The following TM9SF1 variants were observed in gnomAD, a reference collection of about 807,000 sequenced individuals.
TM9SF1 encodes the protein MP70 protein family member.
TM9SF1 carries 25 observed loss-of-function variants against 52.4 expected under a neutral mutation model. The ratio of observed to expected loss-of-function variants is 0.48; its 90% CI spans 0.35 to 0.67. The LOEUF (loss-of-function observed/expected upper bound fraction) is 0.67. TM9SF1 is among the 30% of genes least tolerant of loss of function. The pLI is 0.01. For missense variants in TM9SF1, 604 were observed against 780.3 expected (o/e 0.77, Z 2.69); for synonymous variants, 284 against 299.8 (o/e 0.95, Z 0.55).
In TM9SF1 at chr14:24,189,344, A is replaced by G; in HGVS notation, c.*71T>C. 1 of 1,481,734 alleles carries G rather than the reference A, an allele frequency of 6.7e-7. No individual in the cohort carries two copies. Among genetic ancestry groups the G allele is most frequent in the East Asian group, 2.3e-5 (1 of 43,980 alleles). 91.8% of individuals were successfully genotyped at this position (1,481,734 alleles called of 1,614,324 possible). On this transcript the variant is annotated 3_prime_UTR_variant, in exon 6 of 6. Transcript: ENST00000261789. Reference sequence around the variant, plus strand: ...ATCACACAATTCAGTCAATCAGAAGAGAAGCTGGTAGGAGAGTTCAACAGG... The same window carrying G: ...ATCACACAATTCAGTCAATCAGAAGGGAAGCTGGTAGGAGAGTTCAACAGG...
At chr14:24,195,191 C>G in intron 1 of TM9SF1, 155 bp from the exon 2 acceptor site, 1 of 608,522 alleles carries the variant, frequency 1.6e-6, no homozygotes, top group Non-Finnish European at 2.9e-6. Context: ...AGACCCCGCT[C>G]CACCTCTGCT....
At position 24,195,054 on chromosome 14, in the gene TM9SF1, G is replaced by A; in HGVS notation, c.-17-18C>T. The A allele has an allele frequency of 6.3e-7, 1 of 1,579,512 alleles. No homozygotes were observed. The highest frequency in any genetic ancestry group is 8.7e-7 in the Non-Finnish European group (1 of 1,155,494). ...AGTGGAACCTGTTTGGGGGAATCCT[G>A]AGGTTATAGAAACCAGGGAGGTTAC... On this transcript the variant is annotated intron_variant, in intron 1 of 5. Transcript: ENST00000261789.
chr14:24,192,910 A>G lies in TM9SF1; in HGVS notation c.705T>C (p.His235=). Residue 235 remains histidine, a synonymous_variant, in exon 3 of 6, where the codon CAT becomes CAC. Transcript: ENST00000261789. The surrounding 1 kb of genome is among the most constrained non-coding windows in gnomAD (Gnocchi z 4.0). ...CCATGGAGTTGATGATGGACAACCAATGGATTTCCAGTGTTCGAGGAAAGA... is the reference window on the plus strand; with the variant it reads ...CCATGGAGTTGATGATGGACAACCAGTGGATTTCCAGTGTTCGAGGAAAGA... ...GGFFPRTLEI[H]WLSIINSMVL... is the part of the protein sequence containing the mutation. The G allele has an allele frequency of 6.2e-7, 1 of 1,614,168 alleles. No homozygotes were observed. Among genetic ancestry groups the G allele is most frequent in the Non-Finnish European group, 8.5e-7 (1 of 1,180,020 alleles).
chr14:24,190,491 C>T lies in TM9SF1; in HGVS notation c.1316G>A (p.Ser439Asn). The T allele has an allele frequency of 6.2e-7, 1 of 1,614,170 alleles. No individual in the cohort carries two copies. Among genetic ancestry groups the T allele is most frequent in the South Asian group, 1.1e-5 (1 of 91,088 alleles). The change falls in exon 5 of 6, where the codon AGC becomes AAC. Residue 439 changes from serine to asparagine, a missense_variant. By Grantham distance (46) the Ser-to-Asn change is conservative. This residue lies in a region of TM9SF1 where 450 missense variants were observed against 560.1 expected (regional missense o/e 0.80). Coordinates refer to ENST00000261789, the MANE Select transcript of TM9SF1 (RefSeq NM_006405.7). ...IGGIFGKNNA[S>N]PFDAPCRTKN... ...GGTGCGACAGGGTGCATCAAAGGGGCTGGCGTTGTTCTTCCCAAAGATGCC... is the reference window on the plus strand; with the variant it reads ...GGTGCGACAGGGTGCATCAAAGGGGTTGGCGTTGTTCTTCCCAAAGATGCC...
intron 1 of TM9SF1, 141 bp from the exon 2 acceptor site, chr14:24,195,177 C>T: frequency 1.6e-6 from 1 of 619,598 alleles, no homozygotes. Flanking sequence ...TCTCTCTATC[C>T]CAAAGACCCC....
At chr14:24,194,582 C>T in intron 2 of TM9SF1, 93 bp downstream of exon 2, 1 of 1,229,510 alleles carries the variant, frequency 8.1e-7, no homozygotes, top group Middle Eastern at 2.4e-4. Flanking sequence ...TCAAATCAGA[C>T]AATTTCCATA....
Position 24,192,449 on chromosome 14 carries a change from G to A in TM9SF1, c.968-93C>T. 1 of 1,454,572 alleles carries A rather than the reference G, an allele frequency of 6.9e-7. No homozygotes were observed. Among genetic ancestry groups the A allele is most frequent in the Non-Finnish European group, 9.3e-7 (1 of 1,074,210 alleles). The allele number at this position is 1,454,572 out of a possible 1,614,324, so 90.1% of individuals were successfully genotyped here. A position where few individuals can be genotyped will look rare whatever the true frequency, so the allele number is the denominator to read the frequency against. On this transcript the variant is annotated intron_variant, in intron 3 of 5. Transcript: ENST00000261789. This position sits in a 1 kb window ranked among gnomAD's most constrained non-coding sequence, Gnocchi z 4.0. ...TCAGCCCCCCTTCTCCCAGACCCAG[G>A]GCCTCCAGCAAAACAATCTCCCCCA...
chr14:24,194,533 C>T (rs2039369831), intron 2 of TM9SF1, 142 bp downstream of exon 2: 2 of 819,238 alleles, frequency 2.4e-6, no homozygotes, highest in Admixed American at 4.8e-5. Flanking sequence ...ATAGCATCAC[C>T]TAACCTGCCT....
At position 24,193,423 on chromosome 14, in the gene TM9SF1, G is replaced by A. The variant is rs868112001; in HGVS notation, c.346-154C>T. 7.2e-5 allele frequency among the ~76,000 whole-genome samples: 11 copies of A among 152,126 alleles called. 1 individual carries two copies. In the South Asian group the frequency reaches 1.7e-3, roughly 23 times the overall value. On this transcript the variant is annotated intron_variant, in intron 2 of 5. Coordinates refer to ENST00000261789, the MANE Select transcript of TM9SF1 (RefSeq NM_006405.7). ...GCTCTGTCACCCAGGCTGGAGTGCA[G>A]TGGTGCGATCTCGGCTTACTGCAAC...
intron 2 of TM9SF1, 70 bp from the exon 3 acceptor site, chr14:24,193,339 A>T: frequency 1.4e-6 from 2 of 1,473,076 alleles, no homozygotes. Context: ...AAAGTTTCTC[A>T]CCTTCAGCAC....
chr14:24,190,409 G>A lies in TM9SF1; in HGVS notation c.1398C>T (p.His466=), dbSNP rs944153500. Residue 466 remains histidine, a synonymous_variant, in exon 5 of 6, where the codon CAC becomes CAT. Transcript: ENST00000261789. ...PQPWYKSTVI[H]MTVGGFLPFS... is the part of the protein sequence containing the mutation. ...AAGGCAGGAAGCCTCCAACAGTCAT[G>A]TGGATGACAGTAGACTTGTACCAGG... 1 of 1,602,614 alleles carries A rather than the reference G, an allele frequency of 6.2e-7. No individual in the cohort carries two copies.
chr14:24,192,283 C>G lies in TM9SF1; in HGVS notation c.1041G>C (p.Leu347Phe). 1.2e-6 allele frequency: 2 copies of G among 1,614,194 alleles called. No homozygotes were observed. The highest frequency in any genetic ancestry group is 1.1e-5 in the South Asian group (1 of 91,082). The change falls in exon 4 of 6, where the codon TTG (leucine) becomes TTC (phenylalanine). Residue 347 changes from leucine to phenylalanine, a missense_variant. Physicochemically the swap from Leu to Phe is conservative, Grantham distance 22. This residue lies in a region of TM9SF1 where 450 missense variants were observed against 560.1 expected (regional missense o/e 0.80). Coordinates refer to ENST00000261789, the MANE Select transcript of TM9SF1 (RefSeq NM_006405.7). This position sits in a 1 kb window ranked among gnomAD's most constrained non-coding sequence, Gnocchi z 4.0. ...RHGAINSAAI[L>F]LYALTCCISG... Reference sequence around the variant, plus strand: ...AGATGCAGCAGGTCAGGGCATACAACAAGATGGCTGCTGAGTTAATGGCCC... The same window carrying G: ...AGATGCAGCAGGTCAGGGCATACAAGAAGATGGCTGCTGAGTTAATGGCCC...
In TM9SF1 at chr14:24,195,409, C is replaced by A; in HGVS notation, c.-81G>T. The A allele has an allele frequency of 9.0e-6, 2 of 222,872 alleles. 1 individual carries two copies. The highest frequency in any genetic ancestry group is 1.8e-5 in the Non-Finnish European group (2 of 110,738). The allele number at this position is 222,872 out of a possible 1,614,324, so 13.8% of individuals were successfully genotyped here. On this transcript the variant is annotated 5_prime_UTR_variant, in exon 1 of 6. Coordinates refer to ENST00000261789, the MANE Select transcript of TM9SF1 (RefSeq NM_006405.7). ...TCGCGCCCCCGTAGCTGCCTTTGGG[C>A]TCCTGCTGGGGTCTCTCCCACAGCG...
rs752923406 is a variant in TM9SF1, at chr14:24,192,710, G to C, written c.905C>G (p.Pro302Arg). 6.2e-7 allele frequency: 1 copy of C among 1,611,428 alleles called. No individual in the cohort carries two copies. Among genetic ancestry groups the C allele is most frequent in the Admixed American group, 1.7e-5 (1 of 59,896 alleles). Reference sequence around the variant, plus strand: ...CACAGCACAGAGCAGACCACGGTATGGGGGGAAGCGGAAGACATCTGTATG... The same window carrying C: ...CACAGCACAGAGCAGACCACGGTATCGGGGGAAGCGGAAGACATCTGTATG... ...IIHTDVFRFP[P>R]YRGLLCAVLG... The change falls in exon 3 of 6, where the codon CCA becomes CGA. Residue 302 changes from proline to arginine, a missense_variant. Pro to Arg is a moderately radical substitution (Grantham distance 103, BLOSUM62 -2). Coordinates refer to ENST00000261789, the MANE Select transcript of TM9SF1 (RefSeq NM_006405.7). The surrounding 1 kb of genome is among the most constrained non-coding windows in gnomAD (Gnocchi z 4.0).
At chr14:24,190,857 T>G (rs1444317219) in intron 4 of TM9SF1, among the ~76,000 whole-genome samples, 2 of 125,094 alleles carry the variant, frequency 1.6e-5, no homozygotes, top group Admixed American at 7.9e-5. Flanking sequence ...CTGTGTTTTT[T>G]TTTTTTTTTT....
At chr14:24,194,577 TCAGA>T in intron 2 of TM9SF1, 94 bp downstream of exon 2, 1 of 1,178,498 alleles carries the variant, frequency 8.5e-7, no homozygotes, top group South Asian at 1.4e-5. Flanking sequence ...TAGAATCAAA[TCAGA>T]CAATTTCCAT....
chr14:24,190,519 C>A lies in TM9SF1; in HGVS notation c.1288G>T (p.Gly430Ter), dbSNP rs748585520. Residue 430 changes from glycine to a stop codon, truncating the protein, a stop_gained, in exon 5 of 6, where the codon GGA becomes TGA. Coordinates refer to ENST00000261789, the MANE Select transcript of TM9SF1 (RefSeq NM_006405.7). LOFTEE classifies it high-confidence loss of function. ...LLVGFPLTVI[G>*]GIFGKNNASP... Reference sequence around the variant, plus strand: ...GCGTTGTTCTTCCCAAAGATGCCTCCAATGACAGTGAGGGGAAAGCCCACC... The same window carrying A: ...GCGTTGTTCTTCCCAAAGATGCCTCAAATGACAGTGAGGGGAAAGCCCACC... 6.2e-7 allele frequency: 1 copy of A among 1,614,092 alleles called. No individual in the cohort carries two copies. The highest frequency in any genetic ancestry group is 8.5e-7 in the Non-Finnish European group (1 of 1,180,038).
chr14:24,192,023 G>T lies in TM9SF1; in HGVS notation c.1153+148C>A. 1.3e-6 allele frequency: 1 copy of T among 776,570 alleles called. No individual in the cohort carries two copies. The allele number at this position is 776,570 out of a possible 1,614,324, so 48.1% of individuals were successfully genotyped here. ...GAGAGGGTCTCACTATGTTGTCTAG[G>T]CTTGTCTCAAACTTTTGGGCTCAAG... On this transcript the variant is annotated intron_variant, in intron 4 of 5. Coordinates refer to ENST00000261789, the MANE Select transcript of TM9SF1 (RefSeq NM_006405.7). This position sits in a 1 kb window ranked among gnomAD's most constrained non-coding sequence, Gnocchi z 4.0.
chr14:24,190,851 G>GTTTTTTTTTT, intron 4 of TM9SF1, among the ~76,000 whole-genome samples, 198 bp from the exon 5 acceptor site: 1 of 65,436 alleles, frequency 1.5e-5, no homozygotes, highest in Non-Finnish European at 2.6e-5. Flanking sequence ...TTTGTTCTGT[G>GTTTTTTTTTT]TTTTTTTTTT....
Sources: gnomAD v4.1 joint callset for allele counts (sites outside exome capture counted in the v4.1 genomes callset) on GRCh38, gnomAD v4.1.1 for gene constraint, gnomAD v4.1.1 regional missense constraint, Gnocchi (gnomAD v3.1) non-coding constraint, MANE v1.5 for transcripts, NCBI Gene and HGNC (gene_info 2026-07-23, HGNC 2026-07-21) for gene names.